CCDC171: variants seen among roughly 807,000 people sequenced by gnomAD.
The protein encoded by CCDC171 is coiled-coil domain containing 171.
CCDC171 carries 177 observed loss-of-function variants against 168.2 expected under a neutral mutation model. The ratio of observed to expected loss-of-function variants is 1.05; its 90% CI spans 0.93 to 1.19. The LOEUF is 1.19. Ranked by LOEUF, CCDC171 falls within the 50% of genes most tolerant of loss-of-function variation. CCDC171 has a pLI of 0.00. For synonymous variants in CCDC171, 687 were observed against 540.8 expected (o/e 1.27, Z -3.75); for missense variants, 1,991 against 1,539.0 (o/e 1.29, Z -4.91).
chr9:15,995,203 G>A (rs758154869), intron 3 of CCDC171, among the ~76,000 whole-genome samples: 13 of 152,198 alleles, frequency 8.5e-5, no homozygotes, highest in Non-Finnish European at 1.6e-4. Context: ...AATTAATGAA[G>A]TAACATTTGG....
intron 10 of CCDC171, among the ~76,000 whole-genome samples, chr9:15,693,035 G>A (rs1275123276): frequency 3.9e-5 from 6 of 152,064 alleles, no homozygotes; most frequent in Non-Finnish European, 1.5e-5. Context: ...TACTTGGGAA[G>A]CTGAGGCAGG....
intron 4 of CCDC171, among the ~76,000 whole-genome samples, chr9:15,589,280 T>G (rs1231780248): frequency 2.0e-5 from 3 of 152,184 alleles, no homozygotes; most frequent in African/African-American, 7.2e-5. Context: ...CAGCATAGAC[T>G]TAACTCCCTT....
intron 25 of CCDC171, among the ~76,000 whole-genome samples, chr9:15,941,672 CAA>C (rs1827753834): frequency 6.6e-6 from 1 of 151,908 alleles, no homozygotes; most frequent in Non-Finnish European, 1.5e-5. Flanking sequence ...TATTGAAAAT[CAA>C]GTGCTACAAT....
At chr9:15,730,485 A>G (rs1003585843) in intron 16 of CCDC171, among the ~76,000 whole-genome samples, 2 of 151,992 alleles carry the variant, frequency 1.3e-5, no homozygotes, top group African/African-American at 4.8e-5. Context: ...CATTGAATTT[A>G]TTAATAGGTC....
chr9:15,956,642 T>C (rs1341660490), intron 25 of CCDC171, among the ~76,000 whole-genome samples: 1 of 152,122 alleles, frequency 6.6e-6, no homozygotes, highest in Non-Finnish European at 1.5e-5. Flanking sequence ...ATGTGCAAAA[T>C]ACTTAGATCA....
At chr9:16,024,746 A>G (rs1167896973) in intron 6 of CCDC171, among the ~76,000 whole-genome samples, 2 of 152,264 alleles carry the variant, frequency 1.3e-5, no homozygotes, top group African/African-American at 4.8e-5. Flanking sequence ...AGTTGTAGCC[A>G]TGCATCATGG....
Position 15,746,542 on chromosome 9 carries a change from G to A in CCDC171, c.2671+911G>A, listed in dbSNP as rs186364682. On this transcript the variant is annotated intron_variant, in intron 18 of 25. Transcript: ENST00000380701. Reference sequence around the variant, plus strand: ...AACTAAATGTATTTTAAGAATTTTGGTATTATAACTTCAAAGCAAAACTGA... The same window carrying A: ...AACTAAATGTATTTTAAGAATTTTGATATTATAACTTCAAAGCAAAACTGA... Among the ~76,000 whole-genome samples the A allele has an allele frequency of 7.9e-5, 12 of 152,264 alleles. No individual in the cohort carries two copies. The East Asian group carries it at 2.3e-3, about 29-fold the overall frequency.
chr9:15,822,215 A>G (rs1196692301), intron 21 of CCDC171, among the ~76,000 whole-genome samples: 3 of 152,158 alleles, frequency 2.0e-5, no homozygotes. Context: ...TGTCAGACCT[A>G]AAACCATAAA....
chr9:15,930,808 C>A (rs891462525), intron 25 of CCDC171, among the ~76,000 whole-genome samples: 3 of 151,472 alleles, frequency 2.0e-5, no homozygotes, highest in Non-Finnish European at 4.4e-5. Context: ...CTATAAAATT[C>A]TTTTTTAAAA....
intron 23 of CCDC171, among the ~76,000 whole-genome samples, chr9:15,870,189 A>C (rs529182804): frequency 1.3e-5 from 2 of 151,910 alleles, no homozygotes; most frequent in South Asian, 4.2e-4. Context: ...TCTTTGGTGC[A>C]TAGGTTGAAA....
intron 1 of CCDC171, among the ~76,000 whole-genome samples, chr9:16,045,245 G>A (rs1413712454): frequency 6.6e-6 from 1 of 152,132 alleles, no homozygotes; most frequent in African/African-American, 2.4e-5. Flanking sequence ...CCTAGGAGAG[G>A]AGTGGAGAAA....
At chr9:16,077,586 C>A in the CCDC171 span, among the ~76,000 whole-genome samples, 2 of 152,164 alleles carry the variant, frequency 1.3e-5, no homozygotes, top group African/African-American at 4.8e-5. Flanking sequence ...CCAGAGACGA[C>A]GAGAGACATG....
intron 18 of CCDC171, among the ~76,000 whole-genome samples, chr9:15,773,867 G>C (rs2057149575): frequency 6.6e-6 from 1 of 152,146 alleles, no homozygotes; most frequent in African/African-American, 2.4e-5. Context: ...CACAGAGTGG[G>C]AGAAAAATCT....
At chr9:15,871,222 G>A (rs948622110) in intron 23 of CCDC171, among the ~76,000 whole-genome samples, 1 of 151,536 alleles carries the variant, frequency 6.6e-6, no homozygotes, top group Non-Finnish European at 1.5e-5. Flanking sequence ...TTTATATTGG[G>A]AAATTCTATA....
At chr9:15,812,714 G>A (rs189878000) in intron 21 of CCDC171, among the ~76,000 whole-genome samples, 1 of 152,284 alleles carries the variant, frequency 6.6e-6, no homozygotes, top group Non-Finnish European at 1.5e-5. Context: ...TTATCCTACT[G>A]TCAGGATAGA....
intron 7 of CCDC171, among the ~76,000 whole-genome samples, chr9:15,632,869 A>C (rs145614953): frequency 2.0e-5 from 3 of 152,206 alleles, no homozygotes; most frequent in Non-Finnish European, 4.4e-5. Context: ...ATAATGCCGC[A>C]TATCTATGAC....
intron 11 of CCDC171, among the ~76,000 whole-genome samples, chr9:15,715,628 A>G (rs1216526875): frequency 1.3e-5 from 2 of 152,236 alleles, no homozygotes; most frequent in Non-Finnish European, 2.9e-5. Context: ...GCTGTATAAA[A>G]AAAGCTCTGT....
chr9:15,751,434 T>G (rs144592101), intron 18 of CCDC171, among the ~76,000 whole-genome samples: 1 of 152,262 alleles, frequency 6.6e-6, no homozygotes, highest in African/African-American at 2.4e-5. Context: ...ACTTTAAATT[T>G]CATACGGAAC....
chr9:16,013,241 C>T (rs886371612), intron 3 of CCDC171, among the ~76,000 whole-genome samples: 4 of 152,104 alleles, frequency 2.6e-5, no homozygotes, highest in Admixed American at 6.5e-5. Context: ...TGCCTCTGTC[C>T]ACCCTCTTTC....
Sources: allele counts gnomAD v4.1 joint callset (sites outside exome capture counted in the v4.1 genomes callset), GRCh38; gene constraint gnomAD v4.1.1; transcripts MANE v1.5; gene names NCBI Gene and HGNC (gene_info 2026-07-23, HGNC 2026-07-21).